Variants in ATP8B4 observed in about 807,000 individuals in gnomAD.
ATP8B4 encodes probable phospholipid-transporting ATPase IM.
Under a neutral mutation model 145.6 loss-of-function variants are expected in ATP8B4, and 133 were observed. That is an observed-to-expected ratio of 0.91 (90% confidence interval 0.79 to 1.05). The LOEUF (loss-of-function observed/expected upper bound fraction) is 1.05, where lower values mean the gene tolerates loss of function less well. Ranked by LOEUF, ATP8B4 falls within the 50% of genes least tolerant of loss-of-function variation. The pLI is 0.00. For synonymous variants in ATP8B4, 507 were observed against 492.9 expected (o/e 1.03, Z -0.38); for missense variants, 1,458 against 1,425.2 (o/e 1.02, Z -0.37).
At position 49,934,017 on chromosome 15, in the gene ATP8B4, C is replaced by G. The variant is rs755654002; in HGVS notation, c.1453G>C (p.Gly485Arg). The stretch of plus-strand genomic sequence containing the variant: ...CACTCAGACATAACTTTTCACTTAC[C>G]TGCGCTATTCTCTTCTGACATTACA... ...HTVMSEENSA[G>R]ELIYQVQSPD... Residue 485 changes from glycine to arginine, a missense_variant and splice_region_variant, in exon 15 of 28, where the codon GGA becomes CGA. By Grantham distance (125) the Gly-to-Arg change is moderately radical. Coordinates refer to ENST00000284509, the MANE Select transcript of ATP8B4 (RefSeq NM_024837.4). 6 of 1,578,362 alleles carry G rather than the reference C, an allele frequency of 3.8e-6. No homozygotes were observed. In the South Asian group the frequency reaches 7.1e-5, roughly 19 times the overall value.
chr15:50,020,010 G>A (rs978800583), intron 6 of ATP8B4, among the ~76,000 whole-genome samples: 3 of 151,874 alleles, frequency 2.0e-5, no homozygotes, highest in African/African-American at 7.3e-5. Context: ...CCAGACTGGA[G>A]TGCATGGCAT....
intron 1 of ATP8B4, among the ~76,000 whole-genome samples, chr15:50,169,595 C>T (rs1470184378): frequency 6.6e-6 from 1 of 152,198 alleles, no homozygotes; most frequent in Admixed American, 6.5e-5. Flanking sequence ...AGAAAACCAA[C>T]CCTGGTAATA....
intron 23 of ATP8B4, chr15:49,895,782 C>T (rs986992594): frequency 1.3e-5 from 2 of 152,184 alleles, no homozygotes; most frequent in East Asian, 1.9e-4. Flanking sequence ...AGTCATTGAA[C>T]GTTAGTTTCA....
At chr15:50,175,517 C>A (rs2044748981) in intron 1 of ATP8B4, among the ~76,000 whole-genome samples, 1 of 152,086 alleles carries the variant, frequency 6.6e-6, no homozygotes, top group Non-Finnish European at 1.5e-5. Flanking sequence ...AACAAACAAT[C>A]CTATCGACAA....
chr15:49,906,861 C>T (rs923406770), intron 20 of ATP8B4, among the ~76,000 whole-genome samples: 1 of 152,056 alleles, frequency 6.6e-6, no homozygotes, highest in African/African-American at 2.4e-5. Context: ...TAAGTGATGG[C>T]TAAAAAAAGC....
chr15:50,008,030 T>G (rs2048443296), intron 7 of ATP8B4, among the ~76,000 whole-genome samples: 1 of 152,230 alleles, frequency 6.6e-6, no homozygotes, highest in African/African-American at 2.4e-5. Flanking sequence ...CTGTTATTAC[T>G]GATAAAGACC....
At chr15:49,979,497 G>T (rs1173308490) in intron 12 of ATP8B4, 120 bp downstream of exon 12, 2 of 726,328 alleles carry the variant, frequency 2.8e-6, no homozygotes, top group Non-Finnish European at 4.1e-6. Context: ...AACAGATGTT[G>T]CAGATCATAA....
intron 14 of ATP8B4, among the ~76,000 whole-genome samples, chr15:49,950,595 A>C (rs547275579): frequency 1.5e-4 from 13 of 84,444 alleles, no homozygotes; most frequent in African/African-American, 4.8e-4. Flanking sequence ...TTAACTAAAA[A>C]AAAAAAACAA....
intron 2 of ATP8B4, among the ~76,000 whole-genome samples, chr15:50,087,285 AT>A (rs531023443): frequency 7.7e-6 from 1 of 129,928 alleles, no homozygotes; most frequent in Admixed American, 7.7e-5. Flanking sequence ...TAATAGAATA[AT>A]ATATAGATCT....
chr15:49,944,521 T>G (rs2042410317), intron 14 of ATP8B4, among the ~76,000 whole-genome samples: 1 of 152,136 alleles, frequency 6.6e-6, no homozygotes, highest in Non-Finnish European at 1.5e-5. Flanking sequence ...GATGTAGCAA[T>G]TATAAGTCTA....
intron 7 of ATP8B4, among the ~76,000 whole-genome samples, chr15:50,004,930 C>G (rs916042457): frequency 6.6e-6 from 1 of 152,042 alleles, no homozygotes; most frequent in Non-Finnish European, 1.5e-5. Flanking sequence ...GAGAGTGCAA[C>G]GTTGGGTTGG....
intron 3 of ATP8B4, among the ~76,000 whole-genome samples, chr15:50,055,003 C>T (rs1158256262): frequency 6.6e-6 from 1 of 152,032 alleles, no homozygotes; most frequent in African/African-American, 2.4e-5. Context: ...CATGGCCCAC[C>T]CTCCTAATTA....
intron 14 of ATP8B4, among the ~76,000 whole-genome samples, chr15:49,937,572 T>C (rs887735503): frequency 1.3e-5 from 2 of 152,122 alleles, no homozygotes; most frequent in African/African-American, 4.8e-5. Context: ...CCAAGCACTT[T>C]TCTAGGTGAT....
chr15:49,919,510 C>G (rs1282553394), intron 18 of ATP8B4, among the ~76,000 whole-genome samples: 1 of 152,086 alleles, frequency 6.6e-6, no homozygotes, highest in Non-Finnish European at 1.5e-5. Context: ...CTCCGCCTCC[C>G]GGGTTCACAC....
chr15:50,080,198 C>A (rs2054454569), intron 2 of ATP8B4, among the ~76,000 whole-genome samples: 1 of 152,146 alleles, frequency 6.6e-6, no homozygotes, highest in Non-Finnish European at 1.5e-5. Context: ...CTTCCTCAAC[C>A]AAATAGGATA....
intron 13 of ATP8B4, 85 bp downstream of exon 13, chr15:49,972,497 G>C (rs760516759): frequency 4.7e-5 from 63 of 1,342,752 alleles, no homozygotes; most frequent in Non-Finnish European, 6.1e-5. Context: ...CGACTGTTTT[G>C]GATTTTTAAA....
chr15:50,013,104 A>C (rs974629243), intron 6 of ATP8B4, among the ~76,000 whole-genome samples: 17 of 152,324 alleles, frequency 1.1e-4, no homozygotes, highest in African/African-American at 3.8e-4. Context: ...TACATAAAAA[A>C]AATCCCAGCA....
chr15:49,872,878 A>G (rs1315516161), intron 25 of ATP8B4, among the ~76,000 whole-genome samples: 1 of 152,210 alleles, frequency 6.6e-6, no homozygotes, highest in Non-Finnish European at 1.5e-5. Flanking sequence ...CTCAGTTAAT[A>G]GTATTATACC....
intron 13 of ATP8B4, among the ~76,000 whole-genome samples, chr15:49,970,130 T>C (rs2044961643): frequency 6.6e-6 from 1 of 152,098 alleles, no homozygotes; most frequent in African/African-American, 2.4e-5. Context: ...CTCAAAATAA[T>C]AAGAGCTATT....
Sources: allele counts gnomAD v4.1 joint callset (sites outside exome capture counted in the v4.1 genomes callset), GRCh38; gene constraint gnomAD v4.1.1; transcripts MANE v1.5; gene names NCBI Gene and HGNC (gene_info 2026-07-23, HGNC 2026-07-21).